Variants in ZNF157 observed in about 807,000 individuals in gnomAD.
ZNF157 encodes zinc finger protein 22.
In ZNF157, 8 loss-of-function variants were observed where a neutral mutation model predicts 9.4. The ratio of observed to expected loss-of-function variants is 0.85; its 90% confidence interval spans 0.50 to 1.53. The LOEUF is 1.53. Among genes scored for constraint, ZNF157 ranks in the 40% most tolerant of loss-of-function variants. The pLI, the probability that ZNF157 is intolerant of heterozygous loss-of-function variation, is 0.00. For synonymous variants in ZNF157, 120 were observed against 130.8 expected, an observed-to-expected ratio of 0.92 and a Z score of 0.56; for missense variants, 316 against 385.2, an observed-to-expected ratio of 0.82 and a Z score of 1.50.
At chrX:47,395,532 A>G (rs1440471066) in intron 1 of ZNF157, among the ~76,000 whole-genome samples, 1 of 112,143 alleles carries the variant, frequency 8.9e-6, no homozygotes, top group African/African-American at 3.2e-5. Context: ...CTCTAAATAA[A>G]GATAACAAGC....
intron 1 of ZNF157, among the ~76,000 whole-genome samples, chrX:47,385,654 G>A (rs2055877631): frequency 9.2e-6 from 1 of 108,396 alleles, no homozygotes; most frequent in Non-Finnish European, 1.9e-5. Context: ...TGCAACCTCT[G>A]CCTCCCGGGT....
At chrX:47,408,446 G>A (rs773559269) in intron 1 of ZNF157, among the ~76,000 whole-genome samples, 11 of 108,551 alleles carry the variant, frequency 1.0e-4, no homozygotes, top group Non-Finnish European at 1.5e-4. Flanking sequence ...ATAGGATCTC[G>A]CTCTGTCACA....
chrX:47,386,210 T>G (rs1287747057), intron 1 of ZNF157, among the ~76,000 whole-genome samples: 1 of 111,244 alleles, frequency 9.0e-6, no homozygotes, highest in Non-Finnish European at 1.9e-5. Context: ...TACAGAGAGA[T>G]CGTATGTGCG....
rs779839179 is a variant in ZNF157 at position 47,413,730 on chromosome X, T to C, written c.*136T>C. 2.0e-6 allele frequency: 2 copies of C among 1,007,399 alleles called. No individual in the cohort carries two copies. Among genetic ancestry groups the C allele is most frequent in the East Asian group, 6.4e-5 (2 of 31,075 alleles). 83.0% of individuals were successfully genotyped at this position (1,007,399 alleles called of 1,213,427 possible). On this transcript the variant is annotated 3_prime_UTR_variant, in exon 4 of 4. Transcript: ENST00000377073. ...CCCTTAGGGGATAGCTCATTGTTTT[T>C]ATTCAGATTTCCCTAATTAGTGGTG...
intron 1 of ZNF157, among the ~76,000 whole-genome samples, chrX:47,396,507 C>G (rs927140850): frequency 5.3e-4 from 59 of 110,531 alleles, no homozygotes; most frequent in African/African-American, 1.8e-3. Flanking sequence ...CCATTGCACT[C>G]CAACCTGGGC....
intron 1 of ZNF157, among the ~76,000 whole-genome samples, chrX:47,384,638 A>G (rs1001781609): frequency 8.9e-6 from 1 of 112,471 alleles, no homozygotes; most frequent in African/African-American, 3.2e-5. Flanking sequence ...GGTGCCGCAC[A>G]GACAGATTAC....
chrX:47,405,381 C>T (rs898203337), intron 1 of ZNF157, among the ~76,000 whole-genome samples: 2 of 108,807 alleles, frequency 1.8e-5, no homozygotes, highest in Non-Finnish European at 3.8e-5. Flanking sequence ...AAGAGCAAAA[C>T]TCTGTCTTGA....
intron 1 of ZNF157, among the ~76,000 whole-genome samples, chrX:47,403,729 A>G (rs1199443703): frequency 2.7e-5 from 3 of 112,317 alleles, no homozygotes. Flanking sequence ...GGGTGCCAGC[A>G]CTGAGATGAT....
chrX:47,412,444 A>G lies in ZNF157; in HGVS notation c.371A>G (p.His124Arg), dbSNP rs776112160. The G allele has an allele frequency of 4.1e-6, 5 of 1,212,010 alleles. No homozygotes were observed. Among genetic ancestry groups the G allele is most frequent in the Non-Finnish European group, 5.6e-6 (5 of 895,415 alleles). ...AGGCATGATAATGACCTTCTTCACC[A>G]TCAGAAGATTCAAACATTGGATCAA... ...ALRHDNDLLH[H>R]QKIQTLDQNV... Residue 124 changes from histidine (H) to arginine (R), a missense_variant, in exon 4 of 4, where the codon CAT becomes CGT. His to Arg is a conservative substitution (Grantham distance 29). This residue lies in a region of ZNF157 where 146 missense variants were observed against 183.8 expected (regional missense o/e 0.79). Transcript: ENST00000377073.
At chrX:47,406,477 G>T (rs764281563) in intron 1 of ZNF157, among the ~76,000 whole-genome samples, 2 of 110,800 alleles carry the variant, frequency 1.8e-5, no homozygotes, top group Admixed American at 9.8e-5. Flanking sequence ...CGGTTGAAGC[G>T]ATTCTCCTGC....
intron 1 of ZNF157, among the ~76,000 whole-genome samples, chrX:47,373,865 T>A (rs377005868): frequency 8.5e-4 from 13 of 15,243 alleles, no homozygotes; most frequent in East Asian, 4.5e-3. Context: ...TTAAAAAAAA[T>A]TTTTTTTTTT....
In ZNF157 at chrX:47,399,199, C is replaced by T. The variant is rs185102372; in HGVS notation, c.73-11077C>T. 1.3e-4 allele frequency among the ~76,000 whole-genome samples: 14 copies of T among 111,358 alleles called. No individual in the cohort carries two copies. In the East Asian group the frequency reaches 2.8e-3, roughly 23 times the overall value. The stretch of plus-strand genomic sequence containing the variant: ...AATATTGGTCTAGCAAATGCCTCCC[C>T]ATTGGTCTTTTCCCATTCATATAGC... On this transcript the variant is annotated intron_variant, in intron 1 of 3. Transcript: ENST00000377073.
At chrX:47,400,528 A>G (rs139520670) in intron 1 of ZNF157, among the ~76,000 whole-genome samples, 2 of 112,339 alleles carry the variant, frequency 1.8e-5, no homozygotes, top group Non-Finnish European at 3.8e-5. Context: ...GATATGCAAC[A>G]TAATATGTCC....
intron 1 of ZNF157, among the ~76,000 whole-genome samples, chrX:47,401,123 T>G (rs751083613): frequency 8.9e-6 from 1 of 112,337 alleles, no homozygotes; most frequent in African/African-American, 3.2e-5. Context: ...TATGGAACTC[T>G]TCTGGGCATT....
intron 1 of ZNF157, among the ~76,000 whole-genome samples, chrX:47,408,948 A>G (rs2055955298): frequency 8.9e-6 from 1 of 111,873 alleles, no homozygotes; most frequent in Non-Finnish European, 1.9e-5. Context: ...GATCCAAACC[A>G]TATCAGGAAT....
rs766742513 is a variant in ZNF157, at chrX:47,413,284, AT to A, written c.1212del (p.Gln405ArgfsTer21). 8 of 1,211,890 alleles carry A rather than the reference AT, an allele frequency of 6.6e-6. No individual in the cohort carries two copies. The highest frequency in any genetic ancestry group is 8.9e-6 in the Non-Finnish European group (8 of 895,486). On this transcript the variant is annotated frameshift_variant, in exon 4 of 4. Transcript: ENST00000377073. LOFTEE classifies it low-confidence loss of function (END_TRUNC). ...TATGTGAAAGCACGCCTAATTGAACATCAGAGGATGCATTCAGGAGAGAAAC... is the reference window on the plus strand; with the variant it reads ...TATGTGAAAGCACGCCTAATTGAACACAGAGGATGCATTCAGGAGAGAAAC... ...AFYVKARLIE[H>X]QRMHSGEKPY...
At chrX:47,409,729 C>T (rs1385580836) in intron 1 of ZNF157, among the ~76,000 whole-genome samples, 4 of 108,488 alleles carry the variant, frequency 3.7e-5, no homozygotes, top group Non-Finnish European at 5.7e-5. Flanking sequence ...CTGCAACCTC[C>T]GCCTCCTGGG....
At chrX:47,382,363 C>T (rs955588571) in intron 1 of ZNF157, among the ~76,000 whole-genome samples, 1 of 91,863 alleles carries the variant, frequency 1.1e-5, no homozygotes, top group South Asian at 6.0e-4. Context: ...GATCTCAGCT[C>T]ACTGCAACCT....
At chrX:47,383,533 A>C (rs1299534650) in intron 1 of ZNF157, among the ~76,000 whole-genome samples, 1 of 102,358 alleles carries the variant, frequency 9.8e-6, no homozygotes, top group Non-Finnish European at 2.0e-5. Flanking sequence ...CCATCTCTAC[A>C]AAAAAAAAAT....
Sources: gnomAD v4.1 joint callset for allele counts (sites outside exome capture counted in the v4.1 genomes callset) on GRCh38, gnomAD v4.1.1 for gene constraint, gnomAD v4.1.1 regional missense constraint, MANE v1.5 for transcripts, NCBI Gene and HGNC (gene_info 2026-07-23, HGNC 2026-07-21) for gene names.